The following KIF9 variants were observed in gnomAD, a reference collection of about 807,000 sequenced individuals.
KIF9 encodes kinesin family member 9, also known as kinesin-like protein KIF9.
Under a neutral mutation model 94.8 loss-of-function variants are expected in KIF9, and 68 were observed. The observed-to-expected ratio is 0.72, with a 90% CI of 0.59 to 0.88. The LOEUF is 0.88. Ranked by LOEUF, KIF9 falls within the 40% of genes least tolerant of loss-of-function variation. The pLI is 0.00. For missense variants in KIF9, 882 were observed against 982.5 expected (o/e 0.90, Z 1.37); for synonymous variants, 343 against 362.1 (o/e 0.95, Z 0.60).
intron 20 of KIF9, among the ~76,000 whole-genome samples, chr3:47,230,387 G>A (rs1188573176): frequency 1.3e-5 from 2 of 151,924 alleles, no homozygotes; most frequent in Non-Finnish European, 2.9e-5. Context: ...AGACCAGCCT[G>A]AGCAACATAG....
In KIF9 at chr3:47,236,652, G is replaced by A. The variant is rs371533119; in HGVS notation, c.1925-33C>T. The A allele has an allele frequency of 1.3e-3, 2,112 of 1,603,996 alleles. 3 individuals are homozygous for A. Among genetic ancestry groups the A allele is most frequent in the Non-Finnish European group, 1.7e-3 (1,964 of 1,172,608 alleles). On this transcript the variant is annotated intron_variant, in intron 17 of 20. Transcript: ENST00000684063. Reference sequence around the variant, plus strand: ...GTGATGGAAGAAGTCAGGAAATGAGGAGGTGTCCACCTGAAATTGGGGGAG... The same window carrying A: ...GTGATGGAAGAAGTCAGGAAATGAGAAGGTGTCCACCTGAAATTGGGGGAG...
chr3:47,244,792 T>C lies in KIF9; in HGVS notation c.1513A>G (p.Ser505Gly). The change falls in exon 15 of 21, where the codon AGC becomes GGC. Residue 505 changes from serine (S) to glycine (G), a missense_variant and splice_region_variant. Ser to Gly is a moderately conservative substitution (Grantham distance 56, BLOSUM62 0). Coordinates refer to ENST00000684063, the MANE Select transcript of KIF9 (RefSeq NM_182902.4). ...KSKKTFKEPL[S>G]SLARKEGASS... ...AGGCAGAGCGGCAAGGTCACTCACC[T>C]GAGTGGCTCTTTGAATGTCTTCTTG... 1 of 1,613,864 alleles carries C rather than the reference T, an allele frequency of 6.2e-7. No individual in the cohort carries two copies. Among genetic ancestry groups the C allele is most frequent in the Non-Finnish European group, 8.5e-7 (1 of 1,180,006 alleles).
intron 11 of KIF9, 56 bp downstream of exon 11, chr3:47,247,962 C>T: frequency 7.3e-7 from 1 of 1,379,150 alleles, no homozygotes; most frequent in Non-Finnish European, 1.0e-6. Flanking sequence ...CCCAGTCCCT[C>T]TAGTCACCCC....
intron 10 of KIF9, among the ~76,000 whole-genome samples, chr3:47,253,102 C>T (rs934098141): frequency 1.3e-5 from 2 of 152,064 alleles, no homozygotes; most frequent in African/African-American, 2.4e-5. Flanking sequence ...CTGGGCAAAC[C>T]GCCCCAAAAT....
At chr3:47,280,768 C>T (rs1378386551) in intron 1 of KIF9, among the ~76,000 whole-genome samples, 1 of 152,192 alleles carries the variant, frequency 6.6e-6, no homozygotes, top group African/African-American at 2.4e-5. Context: ...CATGCACATG[C>T]ACACGCAGTC....
chr3:47,246,550 GGT>G, intron 12 of KIF9: 1 of 63,614 alleles, frequency 1.6e-5, no homozygotes. Context: ...ACCTTCTAAA[GGT>G]TTTTTTTTTT....
intron 7 of KIF9, 62 bp downstream of exon 7, chr3:47,266,914 C>G: frequency 8.6e-7 from 1 of 1,162,090 alleles, no homozygotes; most frequent in South Asian, 1.2e-5. Context: ...GATGTGCAGG[C>G]ACTGTGCCAG....
chr3:47,274,484 C>T, intron 3 of KIF9, among the ~76,000 whole-genome samples: 1 of 152,208 alleles, frequency 6.6e-6, no homozygotes, highest in Non-Finnish European at 1.5e-5. Flanking sequence ...AAATTTTTTG[C>T]CTTTGTCACA....
intron 9 of KIF9, among the ~76,000 whole-genome samples, chr3:47,261,261 C>G (rs1046057592): frequency 1.3e-5 from 2 of 152,180 alleles, no homozygotes; most frequent in African/African-American, 4.8e-5. Flanking sequence ...AAAGATAAAT[C>G]TCTGCATAGA....
chr3:47,275,082 C>T (rs1397953855), intron 3 of KIF9: 2 of 437,214 alleles, frequency 4.6e-6, no homozygotes, highest in Admixed American at 8.3e-5. Flanking sequence ...GATAATTGAA[C>T]CCCTGTGACC....
intron 4 of KIF9, among the ~76,000 whole-genome samples, chr3:47,272,490 T>A (rs1432179327): frequency 2.0e-5 from 3 of 152,194 alleles, no homozygotes; most frequent in African/African-American, 7.2e-5. Flanking sequence ...TTATGAAATC[T>A]AAATACAGAT....
intron 5 of KIF9, among the ~76,000 whole-genome samples, chr3:47,270,301 T>TG (rs1701563854): frequency 6.6e-6 from 1 of 151,822 alleles, no homozygotes; most frequent in Non-Finnish European, 1.5e-5. Flanking sequence ...TTGCCCAGGT[T>TG]GGAGTGCAAT....
At chr3:47,265,056 G>A (rs1196138587) in intron 8 of KIF9, among the ~76,000 whole-genome samples, 1 of 152,230 alleles carries the variant, frequency 6.6e-6, no homozygotes, top group Non-Finnish European at 1.5e-5. Flanking sequence ...TATTGTTTAA[G>A]CCACTTAGTT....
chr3:47,257,346 G>T, intron 10 of KIF9, 137 bp downstream of exon 10: 1 of 751,228 alleles, frequency 1.3e-6, no homozygotes. Flanking sequence ...GCCAGTCCAG[G>T]AGTGGAAAAG....
chr3:47,232,161 A>T (rs1354443309), intron 20 of KIF9, among the ~76,000 whole-genome samples: 1 of 152,154 alleles, frequency 6.6e-6, no homozygotes, highest in Non-Finnish European at 1.5e-5. Context: ...CTGTGTGAGG[A>T]CACAACTAGA....
chr3:47,260,545 C>T (rs1700902453), intron 9 of KIF9, among the ~76,000 whole-genome samples: 1 of 152,346 alleles, frequency 6.6e-6, no homozygotes, highest in East Asian at 1.9e-4. Flanking sequence ...CCTTCCACAG[C>T]GCTTGCTGTG....
At chr3:47,250,516 T>G (rs774721085) in intron 10 of KIF9, 1 of 441,320 alleles carries the variant, frequency 2.3e-6, no homozygotes, top group Admixed American at 2.2e-5. Flanking sequence ...TGATACTTTT[T>G]TTTTCAGATC....
chr3:47,247,243 C>G, intron 12 of KIF9, 130 bp downstream of exon 12: 2 of 638,742 alleles, frequency 3.1e-6, no homozygotes, highest in East Asian at 2.7e-5. Context: ...CATCAAGAGT[C>G]CAGCACCACC....
At chr3:47,271,026 C>T (rs1376469050) in intron 5 of KIF9, among the ~76,000 whole-genome samples, 1 of 151,424 alleles carries the variant, frequency 6.6e-6, no homozygotes, top group Admixed American at 6.6e-5. Context: ...CTCCTGTGGT[C>T]CCAGCTACTT....
Sources: gnomAD v4.1 joint callset for allele counts (sites outside exome capture counted in the v4.1 genomes callset) on GRCh38, gnomAD v4.1.1 for gene constraint, MANE v1.5 for transcripts, NCBI Gene and HGNC (gene_info 2026-07-23, HGNC 2026-07-21) for gene names.